The following ATP2B2 variants were observed in gnomAD, a reference collection of about 807,000 sequenced individuals.
ATP2B2 encodes ATPase plasma membrane Ca2+ transporting 2, also known as plasma membrane calcium-transporting ATPase 2.
ATP2B2 carries 15 observed loss-of-function variants against 120.0 expected under a neutral mutation model. That is an observed-to-expected ratio of 0.12 (90% CI 0.08 to 0.19). The LOEUF (loss-of-function observed/expected upper bound fraction) is 0.19, where lower values mean the gene tolerates loss of function less well. Ranked by LOEUF, ATP2B2 falls within the 10% of genes least tolerant of loss-of-function variation. The probability of loss-of-function intolerance (pLI) is 1.00; values close to 1 mark genes in which losing one functional copy is unlikely to be tolerated. For synonymous variants in ATP2B2, 694 were observed against 700.3 expected, an observed-to-expected ratio of 0.99 and a Z score of 0.14; for missense variants, 1,045 against 1,719.8, an observed-to-expected ratio of 0.61 and a Z score of 6.94.
intron 16 of ATP2B2, 46 bp downstream of exon 16, chr3:10,350,066 G>C (rs149404824): frequency 0.021 from 33,442 of 1,588,498 alleles, 436 homozygotes; most frequent in South Asian, 0.03. Flanking sequence ...CCAGCTTCTG[G>C]CCTGGTGCTG....
At chr3:10,532,289 C>T (rs910205981) in intron 3 of ATP2B2, among the ~76,000 whole-genome samples, 4 of 152,142 alleles carry the variant, frequency 2.6e-5, no homozygotes, top group East Asian at 1.9e-4. Context: ...TAACAATGAC[C>T]GCACATAGAG....
At chr3:10,428,532 A>G (rs1237487334) in intron 2 of ATP2B2, among the ~76,000 whole-genome samples, 2 of 152,188 alleles carry the variant, frequency 1.3e-5, no homozygotes, top group Non-Finnish European at 2.9e-5. Context: ...CTGTCCGGGA[A>G]GAATCACCAA....
chr3:10,526,521 C>T (rs9841761), intron 3 of ATP2B2, among the ~76,000 whole-genome samples: 11,948 of 152,232 alleles, frequency 0.078, 611 homozygotes, highest in East Asian at 0.27. Context: ...TAGAGGGGTG[C>T]TGTGGGTCAC....
intron 2 of ATP2B2, among the ~76,000 whole-genome samples, chr3:10,442,773 C>A (rs889549533): frequency 6.6e-5 from 10 of 152,218 alleles, no homozygotes; most frequent in Non-Finnish European, 8.8e-5. Context: ...TCCCTTGAAG[C>A]CACACAGAGA....
chr3:10,685,541 T>TGC (rs1385651105), intron 1 of ATP2B2, among the ~76,000 whole-genome samples: 2 of 152,150 alleles, frequency 1.3e-5, no homozygotes, highest in Admixed American at 6.5e-5. Context: ...TGTGTGTGTG[T>TGC]GCACGTATAC....
At chr3:10,549,705 T>C (rs554198726) in intron 2 of ATP2B2, among the ~76,000 whole-genome samples, 393 of 151,932 alleles carry the variant, frequency 2.6e-3, no homozygotes, top group African/African-American at 8.9e-3. Context: ...TTCTTTCTTT[T>C]TCTCAACCAT....
chr3:10,405,520 G>C (rs1057096291), intron 3 of ATP2B2, among the ~76,000 whole-genome samples: 5 of 152,262 alleles, frequency 3.3e-5, no homozygotes, highest in Non-Finnish European at 7.4e-5. Flanking sequence ...GGAGCAATTA[G>C]GGAGAAGAGA....
At position 10,402,143 on chromosome 3, in the gene ATP2B2, G is replaced by C. The variant is rs13084776; in HGVS notation, c.603C>G (p.Val201=). The change falls in exon 4 of 23, where the codon GTC becomes GTG. Residue 201 remains valine, a synonymous_variant. Coordinates refer to ENST00000360273, the MANE Select transcript of ATP2B2 (RefSeq NM_001001331.4). This position sits in a 1 kb window ranked among gnomAD's most constrained non-coding sequence, Gnocchi z 4.9. ...KFTVVRAGQV[V]QIPVAEIVVG... The stretch of plus-strand genomic sequence containing the variant: ...CCACGATCTCAGCCACAGGGATCTG[G>C]ACCACCTGGCCAGCCCGGACCACGG... 340,827 of 1,614,000 alleles carry C rather than the reference G, an allele frequency of 0.21. 38,126 individuals carry two copies. Among genetic ancestry groups the C allele is most frequent in the Admixed American group, 0.33 (19,735 of 60,008 alleles).
chr3:10,530,837 G>A (rs373580467), intron 3 of ATP2B2, among the ~76,000 whole-genome samples: 72 of 152,300 alleles, frequency 4.7e-4, no homozygotes, highest in Middle Eastern at 3.4e-3. Context: ...TGCCTAATAC[G>A]TTGCTGACGT....
chr3:10,510,586 C>A (rs185485752), upstream of ATP2B2, among the ~76,000 whole-genome samples: 1 of 152,340 alleles, frequency 6.6e-6, no homozygotes, highest in Non-Finnish European at 1.5e-5. Flanking sequence ...AGGCTCCCAC[C>A]TGTGTGGGGC....
intron 1 of ATP2B2, among the ~76,000 whole-genome samples, chr3:10,685,846 C>A (rs2071506270): frequency 6.6e-6 from 1 of 152,174 alleles, no homozygotes; most frequent in Admixed American, 6.5e-5. Context: ...TCTTTAAGCC[C>A]TATATGAGAA....
chr3:10,535,046 G>T (rs1023431433), intron 2 of ATP2B2, among the ~76,000 whole-genome samples: 1 of 151,676 alleles, frequency 6.6e-6, no homozygotes, highest in Admixed American at 6.6e-5. Context: ...CAGGATTACA[G>T]GCACATGCTG....
upstream of ATP2B2, chr3:10,505,704 C>A (rs1208715797): frequency 4.5e-5 from 5 of 111,082 alleles, 1 homozygote; most frequent in African/African-American, 6.7e-5. Flanking sequence ...CTGCCGCTGC[C>A]GGAGGCTGGG....
intron 1 of ATP2B2, among the ~76,000 whole-genome samples, chr3:10,683,346 G>A (rs1274673909): frequency 6.6e-6 from 1 of 151,942 alleles, no homozygotes; most frequent in Non-Finnish European, 1.5e-5. Flanking sequence ...GGAAGATACC[G>A]CTAATTAATT....
chr3:10,676,356 C>A (rs2071243496), intron 1 of ATP2B2, among the ~76,000 whole-genome samples: 1 of 152,140 alleles, frequency 6.6e-6, no homozygotes, highest in South Asian at 2.1e-4. Flanking sequence ...TCTGTGGCCA[C>A]CCACAGTGGT....
intron 1 of ATP2B2, among the ~76,000 whole-genome samples, chr3:10,646,249 CTGGGGATACT>C (rs1164884869): frequency 6.6e-6 from 1 of 152,182 alleles, no homozygotes; most frequent in Non-Finnish European, 1.5e-5. Flanking sequence ...TCACGTTGTC[CTGGGGATACT>C]TGAGAGGTCA....
At chr3:10,456,400 G>T (rs2064261277) in intron 1 of ATP2B2, among the ~76,000 whole-genome samples, 1 of 152,072 alleles carries the variant, frequency 6.6e-6, no homozygotes, top group Non-Finnish European at 1.5e-5. Flanking sequence ...AGTGATGGAA[G>T]CCTAGCTCTG....
At chr3:10,568,768 T>C (rs1322581834) in intron 2 of ATP2B2, among the ~76,000 whole-genome samples, 1 of 152,216 alleles carries the variant, frequency 6.6e-6, no homozygotes, top group Non-Finnish European at 1.5e-5. Context: ...TCCAGACCTA[T>C]AGCCGTGTCT....
At chr3:10,459,549 C>T (rs1159717744) in intron 1 of ATP2B2, among the ~76,000 whole-genome samples, 3 of 152,232 alleles carry the variant, frequency 2.0e-5, no homozygotes, top group Admixed American at 2.0e-4. Context: ...TTCTTGAGGT[C>T]TTCTTTGCAG....
Sources: allele counts gnomAD v4.1 joint callset (sites outside exome capture counted in the v4.1 genomes callset), GRCh38; gene constraint gnomAD v4.1.1; non-coding constraint Gnocchi (gnomAD v3.1); transcripts MANE v1.5; gene names NCBI Gene and HGNC (gene_info 2026-07-23, HGNC 2026-07-21).